The following TRIP4 variants were observed in gnomAD, a reference collection of about 807,000 sequenced individuals.
The protein encoded by TRIP4 is activating signal cointegrator 1.
A neutral mutation model predicts 81.8 loss-of-function variants in TRIP4; 54 were observed. That is an observed-to-expected ratio of 0.66 (90% confidence interval 0.53 to 0.83). The LOEUF (loss-of-function observed/expected upper bound fraction) is 0.83. Ranked by LOEUF, TRIP4 falls within the 40% of genes least tolerant of loss-of-function variation. The pLI is 0.00. For missense variants in TRIP4, 662 were observed against 683.6 expected, an observed-to-expected ratio of 0.97 and a Z score of 0.35; for synonymous variants, 270 against 242.8, an observed-to-expected ratio of 1.11 and a Z score of -1.04.
chr15:64,397,119 G>A (rs766402439), intron 3 of TRIP4, among the ~76,000 whole-genome samples: 13 of 152,154 alleles, frequency 8.5e-5, no homozygotes, highest in African/African-American at 2.7e-4. Context: ...GCCCAGTGGC[G>A]TCAACTCGAC....
chr15:64,440,189 C>T (rs559764794), intron 11 of TRIP4, among the ~76,000 whole-genome samples: 94 of 152,032 alleles, frequency 6.2e-4, no homozygotes, highest in African/African-American at 2.2e-3. Flanking sequence ...GCTACGAACA[C>T]ACCACTGCAC....
intron 12 of TRIP4, chr15:64,450,796 A>G (rs1267554405): frequency 2.2e-6 from 1 of 455,422 alleles, no homozygotes; most frequent in Non-Finnish European, 4.4e-6. Flanking sequence ...TAGTCTGCCT[A>G]CAATTGAGTG....
intron 11 of TRIP4, among the ~76,000 whole-genome samples, chr15:64,435,342 A>T (rs1470581293): frequency 2.6e-5 from 4 of 151,490 alleles, no homozygotes; most frequent in Admixed American, 2.6e-4. Flanking sequence ...CAATGTGATG[A>T]AACCCCATCT....
At chr15:64,439,760 G>C (rs1354618580) in intron 11 of TRIP4, among the ~76,000 whole-genome samples, 1 of 151,722 alleles carries the variant, frequency 6.6e-6, no homozygotes, top group Non-Finnish European at 1.5e-5. Flanking sequence ...CTGGCCTCAA[G>C]CAATCCACCT....
intron 12 of TRIP4, among the ~76,000 whole-genome samples, chr15:64,452,448 A>T (rs1892791835): frequency 6.6e-6 from 1 of 152,206 alleles, no homozygotes; most frequent in Admixed American, 6.5e-5. Flanking sequence ...AAAAATCTGA[A>T]ATTTAAAACA....
chr15:64,431,847 A>ATATATATATATATATATATATATAT, intron 11 of TRIP4, among the ~76,000 whole-genome samples: 5 of 119,550 alleles, frequency 4.2e-5, no homozygotes, highest in African/African-American at 1.6e-4. Context: ...ATATATATAT[A>ATATATATATATATATATATATATAT]TTTTTTTTAT....
intron 9 of TRIP4, among the ~76,000 whole-genome samples, chr15:64,421,674 C>A (rs991549761): frequency 6.6e-6 from 1 of 152,030 alleles, no homozygotes; most frequent in African/African-American, 2.4e-5. Flanking sequence ...TATTTACATA[C>A]GCAAATAGTT....
intron 11 of TRIP4, among the ~76,000 whole-genome samples, chr15:64,425,947 G>A (rs1596352226): frequency 2.0e-5 from 3 of 152,248 alleles, no homozygotes; most frequent in Middle Eastern, 6.8e-3. Context: ...GCCGGGTGTG[G>A]TGGCACGTGC....
chr15:64,416,377 A>T (rs1891890980), intron 8 of TRIP4, among the ~76,000 whole-genome samples: 1 of 152,214 alleles, frequency 6.6e-6, no homozygotes, highest in Admixed American at 6.5e-5. Context: ...TAGTAGAAAT[A>T]GAAAAAATAA....
At chr15:64,450,216 C>T (rs909789454) in intron 12 of TRIP4, among the ~76,000 whole-genome samples, 1 of 152,006 alleles carries the variant, frequency 6.6e-6, no homozygotes, top group East Asian at 1.9e-4. Flanking sequence ...GGTGAAACCC[C>T]GTCTCTACTA....
intron 11 of TRIP4, among the ~76,000 whole-genome samples, chr15:64,429,358 C>T (rs559295308): frequency 6.6e-6 from 1 of 152,200 alleles, no homozygotes; most frequent in East Asian, 1.9e-4. Flanking sequence ...ATGTAGTTGT[C>T]TAATCTATTA....
Position 64,398,384 on chromosome 15 carries a change from T to C in TRIP4, c.618+566T>C, listed in dbSNP as rs868271911. Among the ~76,000 whole-genome samples the C allele has an allele frequency of 1.2e-3, 178 of 143,444 alleles. 1 individual carries two copies. Among genetic ancestry groups the C allele is most frequent in the Non-Finnish European group, 1.9e-3 (129 of 66,750 alleles). 94.1% of individuals were successfully genotyped at this position (143,444 alleles called of 152,430 possible). ...GGGAGGATCACCTGAGCCCAGGAGT[T>C]TGAGACCAGCCTGGGCAATGTAGGA... On this transcript the variant is annotated intron_variant, in intron 4 of 12. Transcript: ENST00000261884.
intron 1 of TRIP4, among the ~76,000 whole-genome samples, chr15:64,393,015 C>T (rs1009921739): frequency 7.2e-5 from 11 of 152,028 alleles, no homozygotes; most frequent in South Asian, 2.1e-4. Flanking sequence ...GCAGTACATA[C>T]GATACCAATC....
intron 1 of TRIP4, 78 bp from the exon 2 acceptor site, chr15:64,393,868 A>G: frequency 2.2e-6 from 3 of 1,374,466 alleles, no homozygotes; most frequent in South Asian, 3.3e-5. Flanking sequence ...GGTTTTTACT[A>G]CCTAGATCTC....
At chr15:64,392,955 T>C (rs1380549661) in intron 1 of TRIP4, among the ~76,000 whole-genome samples, 2 of 152,006 alleles carry the variant, frequency 1.3e-5, no homozygotes, top group Non-Finnish European at 2.9e-5. Flanking sequence ...CAAATTTGTT[T>C]ACCTCTAGAG....
chr15:64,407,770 T>C (rs1891662888), intron 6 of TRIP4, among the ~76,000 whole-genome samples: 1 of 152,060 alleles, frequency 6.6e-6, no homozygotes, highest in East Asian at 1.9e-4. Context: ...GGTGTATTCA[T>C]GGATACCAGT....
chr15:64,436,323 T>C (rs1319116359), intron 11 of TRIP4, among the ~76,000 whole-genome samples: 1 of 149,998 alleles, frequency 6.7e-6, no homozygotes. Flanking sequence ...GCCAGGCACA[T>C]TGGCTTACGC....
intron 9 of TRIP4, among the ~76,000 whole-genome samples, chr15:64,419,216 A>C (rs918342799): frequency 6.6e-6 from 1 of 152,224 alleles, no homozygotes; most frequent in Non-Finnish European, 1.5e-5. Flanking sequence ...ATATTGAGAA[A>C]CTATTTTATT....
At chr15:64,421,780 A>G (rs1892021706) in intron 9 of TRIP4, among the ~76,000 whole-genome samples, 1 of 152,194 alleles carries the variant, frequency 6.6e-6, no homozygotes, top group Non-Finnish European at 1.5e-5. Context: ...ACGGTGGCTC[A>G]CGCCTATAAT....
Sources: allele counts gnomAD v4.1 joint callset (sites outside exome capture counted in the v4.1 genomes callset), GRCh38; gene constraint gnomAD v4.1.1; transcripts MANE v1.5; gene names NCBI Gene and HGNC (gene_info 2026-07-23, HGNC 2026-07-21).